Variants in ANK2 observed in about 807,000 individuals in gnomAD.
ANK2 encodes ankyrin 2, also known as ankyrin-2.
A neutral mutation model predicts 360.5 loss-of-function variants in ANK2; 83 were observed. The observed-to-expected ratio is 0.23, with a 90% CI of 0.19 to 0.28. The LOEUF (loss-of-function observed/expected upper bound fraction) is 0.28, where lower values mean the gene tolerates loss of function less well. Ranked by LOEUF, ANK2 falls within the 10% of genes least tolerant of loss-of-function variation. The pLI is 1.00. For synonymous variants in ANK2, 1,740 were observed against 1,759.5 expected (o/e 0.99, Z 0.28); for missense variants, 4,201 against 4,795.7 (o/e 0.88, Z 3.66).
At chr4:112,778,271 A>G in the ANK2 span, among the ~76,000 whole-genome samples, 1 of 151,758 alleles carries the variant, frequency 6.6e-6, no homozygotes, top group African/African-American at 2.4e-5. Flanking sequence ...CACCTGGCCA[A>G]TCCCAGTATT....
At chr4:113,225,904 G>A (rs1269353746) in intron 4 of ANK2, among the ~76,000 whole-genome samples, 1 of 152,130 alleles carries the variant, frequency 6.6e-6, no homozygotes, top group Non-Finnish European at 1.5e-5. Flanking sequence ...TTTGTAATAA[G>A]TGTTTGAATT....
At chr4:113,278,919 G>A (rs1426225765) in intron 17 of ANK2, among the ~76,000 whole-genome samples, 2 of 151,962 alleles carry the variant, frequency 1.3e-5, no homozygotes, top group Non-Finnish European at 2.9e-5. Flanking sequence ...TGATGAAAAT[G>A]TCCTTTTATA....
chr4:113,358,585 A>G lies in ANK2; in HGVS notation c.9967A>G (p.Ser3323Gly), dbSNP rs148357205. ...AGCACCTCCATCTGCAGAGTATGAG[A>G]GTTCAGTTTCTGAAGATTTTCTATC... Reference protein sequence around the residue: ...TPAPPSAEYESSVSEDFLSSV... With the variant: ...TPAPPSAEYEGSVSEDFLSSV... The change falls in exon 38 of 46, where the codon AGT (serine) becomes GGT (glycine). Residue 3323 changes from serine (S) to glycine (G), a missense_variant. Coordinates refer to ENST00000357077, the MANE Select transcript of ANK2 (RefSeq NM_001148.6). 1.9e-5 allele frequency: 30 copies of G among 1,613,974 alleles called. No homozygotes were observed. The African/African-American group carries it at 3.9e-4, about 21-fold the overall frequency.
intron 2 of ANK2, among the ~76,000 whole-genome samples, chr4:112,991,343 G>A (rs778762603): frequency 2.2e-4 from 33 of 152,108 alleles, no homozygotes; most frequent in Non-Finnish European, 4.3e-4. Flanking sequence ...CTGTATTTGG[G>A]GTGCAAAAGC....
chr4:112,761,623 A>T, the ANK2 span, among the ~76,000 whole-genome samples: 1 of 152,082 alleles, frequency 6.6e-6, no homozygotes, highest in African/African-American at 2.4e-5. Flanking sequence ...CCGTCTCAAA[A>T]ATAAATAAAT....
chr4:113,367,782 A>C lies in ANK2; in HGVS notation c.11249A>C (p.Gln3750Pro). The change falls in exon 42 of 46, where the codon CAA (glutamine) becomes CCA (proline). Residue 3750 changes from glutamine (Q) to proline (P), a missense_variant. By Grantham distance (76) the Gln-to-Pro change is moderately conservative (BLOSUM62 -1). Transcript: ENST00000357077. ...CCCCAAACTCACAAGGAGCAAGTTC[A>C]ACAGGATTTCTCAGGGAAAATGCAA... ...LFPQTHKEQVQQDFSGKMQDL... is the reference protein window; with the variant it reads ...LFPQTHKEQVPQDFSGKMQDL... The C allele has an allele frequency of 6.2e-7, 1 of 1,614,130 alleles. No individual in the cohort carries two copies. Among genetic ancestry groups the C allele is most frequent in the Non-Finnish European group, 8.5e-7 (1 of 1,180,000 alleles).
intron 1 of ANK2, among the ~76,000 whole-genome samples, chr4:112,867,806 C>T (rs755348206): frequency 6.6e-6 from 1 of 151,870 alleles, no homozygotes; most frequent in African/African-American, 2.4e-5. Context: ...TATTAGTTGA[C>T]AGATATTTGG....
intron 2 of ANK2, among the ~76,000 whole-genome samples, chr4:112,942,236 A>AT (rs2094280608): frequency 1.3e-5 from 2 of 152,034 alleles, no homozygotes; most frequent in Admixed American, 1.3e-4. Context: ...TTAATTAATT[A>AT]TCTGTTTGAG....
intron 1 of ANK2, among the ~76,000 whole-genome samples, chr4:113,135,642 A>G (rs1423699900): frequency 6.6e-6 from 1 of 152,124 alleles, no homozygotes; most frequent in East Asian, 1.9e-4. Context: ...ATATGTTTAT[A>G]GTGACACTGA....
chr4:113,341,975 G>T (rs1213729016), intron 33 of ANK2, 59 bp downstream of exon 33: 1 of 1,331,902 alleles, frequency 7.5e-7, no homozygotes, highest in African/African-American at 1.5e-5. Context: ...TGCATTAATA[G>T]ATTACATTTC....
intron 1 of ANK2, among the ~76,000 whole-genome samples, chr4:113,073,012 A>T (rs1210696625): frequency 2.6e-5 from 3 of 114,008 alleles, no homozygotes; most frequent in Non-Finnish European, 4.8e-5. Flanking sequence ...CTCAGGCTGG[A>T]GTACAGTGGT....
At chr4:113,362,004 T>C (rs115692720) in intron 39 of ANK2, among the ~76,000 whole-genome samples, 119 of 152,322 alleles carry the variant, frequency 7.8e-4, no homozygotes, top group African/African-American at 2.8e-3. Context: ...CTGCTAATAC[T>C]TTCTCATGCT....
chr4:112,865,031 C>CAAAAAAA (rs56149739), intron 1 of ANK2, among the ~76,000 whole-genome samples: 2 of 52,506 alleles, frequency 3.8e-5, no homozygotes, highest in African/African-American at 7.2e-5. Flanking sequence ...GACTCCATCT[C>CAAAAAAA]AAAAAAAAAA....
chr4:113,020,557 C>T (rs952588385), intron 2 of ANK2, among the ~76,000 whole-genome samples: 13 of 152,228 alleles, frequency 8.5e-5, no homozygotes, highest in African/African-American at 2.9e-4. Flanking sequence ...GCCGGCTGCG[C>T]TGGCTCACGC....
At chr4:113,170,162 T>C (rs1305879379) in intron 1 of ANK2, among the ~76,000 whole-genome samples, 3 of 152,252 alleles carry the variant, frequency 2.0e-5, no homozygotes, top group African/African-American at 7.2e-5. Context: ...AGGAAATTAC[T>C]ATTGGGATAG....
intron 10 of ANK2, among the ~76,000 whole-genome samples, chr4:113,254,172 C>T (rs1446101808): frequency 6.6e-6 from 1 of 152,132 alleles, no homozygotes; most frequent in Non-Finnish European, 1.5e-5. Context: ...CTCCCTAGGC[C>T]ATTCGGTGTT....
At chr4:112,828,305 G>C (rs1197000549) in intron 1 of ANK2, among the ~76,000 whole-genome samples, 1 of 140,928 alleles carries the variant, frequency 7.1e-6, no homozygotes, top group Non-Finnish European at 1.5e-5. Flanking sequence ...TATAATCTTG[G>C]CTCACTGCAA....
intron 1 of ANK2, among the ~76,000 whole-genome samples, chr4:113,118,462 C>G (rs955518838): frequency 6.6e-6 from 1 of 151,896 alleles, no homozygotes; most frequent in Admixed American, 6.6e-5. Context: ...TTGTCTTTGC[C>G]TCACTTTTGG....
Position 113,345,926 on chromosome 4 carries a change from C to A in ANK2, c.4275C>A (p.Cys1425Ter). ...TACGCGATACGACTCAGGAACCTTGCGGACGACTATCATTTATGAAGGAGC... is the reference window on the plus strand; with the variant it reads ...TACGCGATACGACTCAGGAACCTTGAGGACGACTATCATTTATGAAGGAGC... ...VKVRDTTQEP[C>*]GRLSFMKEPK... Residue 1425 changes from cysteine (C) to a stop codon, truncating the protein, a stop_gained, in exon 35 of 46, where the codon TGC becomes TGA. Coordinates refer to ENST00000357077, the MANE Select transcript of ANK2 (RefSeq NM_001148.6). LOFTEE classifies it high-confidence loss of function. 1 of 1,613,504 alleles carries A rather than the reference C, an allele frequency of 6.2e-7. No individual in the cohort carries two copies. Among genetic ancestry groups the A allele is most frequent in the Non-Finnish European group, 8.5e-7 (1 of 1,179,546 alleles).
Sources: gnomAD v4.1 joint callset for allele counts (sites outside exome capture counted in the v4.1 genomes callset) on GRCh38, gnomAD v4.1.1 for gene constraint, MANE v1.5 for transcripts, NCBI Gene and HGNC (gene_info 2026-07-23, HGNC 2026-07-21) for gene names.